Variants in MYH11 observed in about 807,000 individuals in gnomAD.
MYH11 encodes myosin-11.
MYH11 carries 80 observed loss-of-function variants against 246.6 expected under a neutral mutation model. The observed-to-expected ratio is 0.32, with a 90% CI of 0.27 to 0.39. The LOEUF is 0.39. Ranked by LOEUF, MYH11 falls within the 10% of genes least tolerant of loss-of-function variation. The pLI, the probability that MYH11 is intolerant of heterozygous loss-of-function variation, is 1.00. For missense variants in MYH11, 2,158 were observed against 2,546.8 expected (o/e 0.85, Z 3.29); for synonymous variants, 1,071 against 1,015.5 (o/e 1.05, Z -1.04).
chr16:15,756,476 T>A lies in MYH11; in HGVS notation c.1614A>T (p.Glu538Asp). ...TGTCCGTGGCTTTGGGGAACCAGCA[T>A]TCCTCGTCCAGCAGGGCCAGCACAC... is the stretch of plus-strand genomic sequence containing the variant. ...PPGVLALLDEECWFPKATDKS... is the reference protein window; with the variant it reads ...PPGVLALLDEDCWFPKATDKS... The change falls in exon 14 of 41, where the codon GAA (glutamate) becomes GAT (aspartate). Residue 538 changes from glutamate (E) to aspartate (D), a missense_variant. Coordinates refer to ENST00000300036, the MANE Select transcript of MYH11 (RefSeq NM_002474.3). The A allele has an allele frequency of 6.2e-7, 1 of 1,614,152 alleles. No homozygotes were observed. Among genetic ancestry groups the A allele is most frequent in the African/African-American group, 1.3e-5 (1 of 75,042 alleles).
At position 15,760,716 on chromosome 16, in the gene MYH11, G is replaced by C. The variant is rs577762264; in HGVS notation, c.1130-58C>G. 57 of 1,147,198 alleles carry C rather than the reference G, an allele frequency of 5.0e-5. No individual in the cohort carries two copies. The African/African-American group carries it at 7.1e-4, about 14-fold the overall frequency. The allele number at this position is 1,147,198 out of a possible 1,614,324, so 71.1% of individuals were successfully genotyped here. ...CACAAAAGAAATAGCTTGGCAAGAA[G>C]ACACATCGCATGGGATATTTGTGAT... On this transcript the variant is annotated intron_variant, in intron 10 of 40. Coordinates refer to ENST00000300036, the MANE Select transcript of MYH11 (RefSeq NM_002474.3).
rs183491280 is a variant in MYH11, at chr16:15,827,438, A to G, written c.346-4027T>C. 2.6e-5 allele frequency among the ~76,000 whole-genome samples: 4 copies of G among 152,328 alleles called. No individual in the cohort carries two copies. In the East Asian group the frequency reaches 5.8e-4, roughly 22 times the overall value. On this transcript the variant is annotated intron_variant, in intron 2 of 40. Transcript: ENST00000300036. ...GGGGGTGAACTATAAGCAGCTTGGTATAAGCGGCTCCATCGGACCGAAATG... is the reference window on the plus strand; with the variant it reads ...GGGGGTGAACTATAAGCAGCTTGGTGTAAGCGGCTCCATCGGACCGAAATG...
intron 1 of MYH11, among the ~76,000 whole-genome samples, chr16:15,848,791 A>G (rs945978144): frequency 6.6e-6 from 1 of 152,174 alleles, no homozygotes. Flanking sequence ...GTTAAAGCTG[A>G]GAGCAGCTCT....
chr16:15,808,068 C>T (rs920323921), intron 3 of MYH11, among the ~76,000 whole-genome samples: 1 of 152,178 alleles, frequency 6.6e-6, no homozygotes, highest in Non-Finnish European at 1.5e-5. Flanking sequence ...CCCGTCTCTG[C>T]AGGGCCATCA....
At chr16:15,856,251 A>G (rs1473752036) in intron 1 of MYH11, among the ~76,000 whole-genome samples, 11 of 150,488 alleles carry the variant, frequency 7.3e-5, no homozygotes, top group Admixed American at 7.3e-4. Context: ...AGAAGAGGAA[A>G]AAGTGGGCTG....
Position 15,727,042 on chromosome 16 carries a change from G to C in MYH11, c.3664C>G (p.Leu1222Val), listed in dbSNP as rs2040801305. 6.2e-7 allele frequency: 1 copy of C among 1,611,716 alleles called. No individual in the cohort carries two copies. Residue 1222 changes from leucine (L) to valine (V), a missense_variant, in exon 28 of 41, where the codon CTA becomes GTA. By Grantham distance (32) the Leu-to-Val change is conservative. Coordinates refer to ENST00000300036, the MANE Select transcript of MYH11 (RefSeq NM_002474.3). The stretch of plus-strand genomic sequence containing the variant: ...TCCAGCGTCTGCTTATTCTTGTCTA[G>C]GTTCGCCTTGGCCTGGCGAAGGAAG... Reference protein sequence around the residue: ...LEQFKRAKANLDKNKQTLEKE... With the variant: ...LEQFKRAKANVDKNKQTLEKE...
At position 15,735,519 on chromosome 16, in the gene MYH11, C is replaced by T. The variant is rs746006297; in HGVS notation, c.3353G>A (p.Gly1118Asp). 3 of 1,614,126 alleles carry T rather than the reference C, an allele frequency of 1.9e-6. No homozygotes were observed. Among genetic ancestry groups the T allele is most frequent in the Non-Finnish European group, 2.5e-6 (3 of 1,180,028 alleles). ...NALKKIRELE[G>D]HISDLQEDLD... The stretch of plus-strand genomic sequence containing the variant: ...GTCCTCCTGGAGGTCTGAGATGTGG[C>T]CCTCCAGCTCCCGGATCTTCTTCAG... Residue 1118 changes from glycine to aspartate, a missense_variant, in exon 26 of 41, where the codon GGC (glycine) becomes GAC (aspartate). Gly to Asp is a moderately conservative substitution (Grantham distance 94, BLOSUM62 -1). Around this residue, in one of 11 missense-constraint regions of MYH11, gnomAD observed 284 missense variants for 315.4 expected, o/e 0.90. Transcript: ENST00000300036.
intron 40 of MYH11, chr16:15,708,780 C>G (rs938476003): frequency 6.2e-7 from 1 of 1,600,580 alleles, no homozygotes; most frequent in Non-Finnish European, 8.5e-7. Context: ...CAACACACAG[C>G]TGCGAAGCTG....
intron 38 of MYH11, among the ~76,000 whole-genome samples, chr16:15,716,483 A>C (rs1239691731): frequency 6.6e-6 from 1 of 152,018 alleles, no homozygotes; most frequent in South Asian, 2.1e-4. Context: ...TGTGTACCAA[A>C]TGGGCTGCCG....
At chr16:15,740,620 A>T (rs934677312) in intron 22 of MYH11, among the ~76,000 whole-genome samples, 1 of 151,886 alleles carries the variant, frequency 6.6e-6, no homozygotes, top group African/African-American at 2.4e-5. Context: ...CAAAAAAAAA[A>T]AAAAAATAAA....
chr16:15,727,194 T>C (rs941807967), intron 27 of MYH11, 140 bp from the exon 28 acceptor site: 2 of 750,490 alleles, frequency 2.7e-6, no homozygotes, highest in African/African-American at 3.6e-5. Context: ...AGATTTGGGG[T>C]TTTTTTGTTG....
chr16:15,774,466 G>A (rs1370925484), intron 8 of MYH11, among the ~76,000 whole-genome samples: 2 of 152,144 alleles, frequency 1.3e-5, no homozygotes, highest in Non-Finnish European at 2.9e-5. Context: ...ATTCCACAGG[G>A]TCCTGCACTG....
chr16:15,800,185 TGGAA>T (rs915125049), intron 3 of MYH11, among the ~76,000 whole-genome samples: 1 of 144,884 alleles, frequency 6.9e-6, no homozygotes, highest in African/African-American at 2.6e-5. Flanking sequence ...GGCAAGTGAG[TGGAA>T]GGAAGGAAGA....
intron 27 of MYH11, among the ~76,000 whole-genome samples, chr16:15,727,774 A>G (rs2040839655): frequency 6.6e-6 from 1 of 152,174 alleles, no homozygotes; most frequent in South Asian, 2.1e-4. Flanking sequence ...GGAGTACAAG[A>G]CCAGCCTGGG....
chr16:15,821,385 G>C (rs2043406253), intron 3 of MYH11, among the ~76,000 whole-genome samples: 1 of 152,162 alleles, frequency 6.6e-6, no homozygotes, highest in African/African-American at 2.4e-5. Context: ...ATGGTGATGA[G>C]TTTTGGATGA....
At position 15,748,166 on chromosome 16, in the gene MYH11, G is replaced by A. The variant is rs880071; in HGVS notation, c.2061C>T (p.Ser687=). Residue 687 remains serine (S), a splice_region_variant and synonymous_variant, in exon 17 of 41, where the codon TCC becomes TCT. Transcript: ENST00000300036. ...GCACCAGGAACGCATCCAGCTTGCC[G>A]GACTGCAAAGGTCAAAGAGGGCAGT... ...RCIIPNHEKR[S]GKLDAFLVLE... 0.067 allele frequency: 108,722 copies of A among 1,613,574 alleles called. 4,133 individuals are homozygous for A. The highest frequency in any genetic ancestry group is 0.15 in the East Asian group (6,942 of 44,868).
chr16:15,824,571 G>A (rs150252209), intron 2 of MYH11, among the ~76,000 whole-genome samples: 119 of 152,242 alleles, frequency 7.8e-4, no homozygotes, highest in African/African-American at 2.8e-3. Flanking sequence ...GGGAACCACC[G>A]CACTCAGCCA....
chr16:15,854,770 C>T (rs908823948), intron 1 of MYH11, among the ~76,000 whole-genome samples: 2 of 152,112 alleles, frequency 1.3e-5, no homozygotes, highest in Non-Finnish European at 2.9e-5. Flanking sequence ...CACGCTTGTG[C>T]CTAACGTGGA....
chr16:15,717,611 A>G, intron 37 of MYH11: 1 of 575,008 alleles, frequency 1.7e-6, no homozygotes, highest in Non-Finnish European at 3.1e-6. Flanking sequence ...CCTGGCCAAC[A>G]TGGTGAAACC....
Sources: allele counts gnomAD v4.1 joint callset (sites outside exome capture counted in the v4.1 genomes callset), GRCh38; gene constraint gnomAD v4.1.1; regional missense constraint gnomAD v4.1.1; transcripts MANE v1.5; gene names NCBI Gene and HGNC (gene_info 2026-07-23, HGNC 2026-07-21).